FGF13: variants seen among roughly 807,000 people sequenced by gnomAD.
FGF13 encodes fibroblast growth factor homologous factor 2.
In FGF13, 2 loss-of-function variants were observed where a neutral mutation model predicts 19.5. The ratio of observed to expected loss-of-function variants is 0.10; its 90% CI spans 0.04 to 0.32. FGF13 has a LOEUF of 0.32. FGF13 is among the 10% of genes least tolerant of loss of function. The pLI is 1.00. For synonymous variants in FGF13, 72 were observed against 76.9 expected (o/e 0.94, Z 0.33); for missense variants, 113 against 192.7 (o/e 0.59, Z 2.45).
chrX:139,033,376 C>T (rs1031132358), intron 1 of FGF13, among the ~76,000 whole-genome samples: 3 of 111,598 alleles, frequency 2.7e-5, no homozygotes, highest in Admixed American at 1.9e-4. Context: ...GTAAGTCTTT[C>T]CTTGACATTT....
chrX:138,634,498 T>A (rs2089159979), intron 4 of FGF13, among the ~76,000 whole-genome samples: 1 of 113,320 alleles, frequency 8.8e-6, no homozygotes. Flanking sequence ...TGTCACTATA[T>A]GTACATGCAC....
At chrX:139,158,888 G>A (rs962983458) in intron 1 of FGF13, among the ~76,000 whole-genome samples, 2 of 104,990 alleles carry the variant, frequency 1.9e-5, no homozygotes, top group Admixed American at 1.9e-4. Context: ...ATGGAAGCAA[G>A]TTGGAAAAAT....
intron 1 of FGF13, among the ~76,000 whole-genome samples, chrX:138,984,623 A>G (rs28649112): frequency 0.077 from 1,725 of 22,516 alleles, 73 homozygotes; most frequent in Non-Finnish European, 0.098. Context: ...AGGATGAGGA[A>G]GAGGAGGAGG....
intron 1 of FGF13, among the ~76,000 whole-genome samples, chrX:139,139,226 C>A (rs187909663): frequency 3.1e-4 from 35 of 111,721 alleles, no homozygotes; most frequent in Non-Finnish European, 1.3e-4. Context: ...AGCCACCATG[C>A]CCGACCTGTT....
chrX:138,816,647 C>CCT (rs2124052005), intron 3 of FGF13, among the ~76,000 whole-genome samples: 1 of 112,657 alleles, frequency 8.9e-6, no homozygotes, highest in South Asian at 3.6e-4. Context: ...TTGTTTTTCT[C>CCT]TAAGGCAAGC....
intron 1 of FGF13, among the ~76,000 whole-genome samples, chrX:139,165,279 T>C (rs2084073338): frequency 8.9e-6 from 1 of 112,096 alleles, no homozygotes; most frequent in South Asian, 3.7e-4. Context: ...AGGATGATGA[T>C]TGGCTACTTT....
At chrX:138,764,832 T>C (rs1463264275) in intron 3 of FGF13, among the ~76,000 whole-genome samples, 2 of 112,126 alleles carry the variant, frequency 1.8e-5, no homozygotes, top group African/African-American at 6.5e-5. Flanking sequence ...TAGACTTTTG[T>C]AAGGATCCAA....
At chrX:138,644,461 G>C (rs755059355) in intron 3 of FGF13, among the ~76,000 whole-genome samples, 2 of 110,183 alleles carry the variant, frequency 1.8e-5, no homozygotes, top group South Asian at 7.9e-4. Context: ...TATTTTTTTA[G>C]TAGAGACGGG....
intron 3 of FGF13, among the ~76,000 whole-genome samples, chrX:138,659,391 T>A (rs2089467826): frequency 8.9e-6 from 1 of 111,780 alleles, no homozygotes; most frequent in Admixed American, 9.5e-5. Context: ...TGGCGATCAT[T>A]AAAAATTCAG....
intron 1 of FGF13, among the ~76,000 whole-genome samples, chrX:139,003,974 CTG>C (rs2092087646): frequency 8.9e-6 from 1 of 112,548 alleles, no homozygotes; most frequent in Non-Finnish European, 1.9e-5. Flanking sequence ...CGAGTGGATC[CTG>C]CACCGGGGCT....
intron 1 of FGF13, among the ~76,000 whole-genome samples, chrX:139,053,415 G>GTTT (rs199847219): frequency 3.2e-5 from 3 of 94,304 alleles, no homozygotes; most frequent in African/African-American, 1.1e-4. Context: ...AGCATCTACT[G>GTTT]TTTTTTTTTT....
At chrX:138,912,335 G>A (rs749892143) in intron 1 of FGF13, among the ~76,000 whole-genome samples, 1 of 110,940 alleles carries the variant, frequency 9.0e-6, no homozygotes, top group Admixed American at 9.6e-5. Context: ...AGAGTGGTTA[G>A]GTCCACATAG....
chrX:138,747,531 G>T (rs766524896), intron 3 of FGF13, among the ~76,000 whole-genome samples: 39 of 111,698 alleles, frequency 3.5e-4, no homozygotes, highest in African/African-American at 1.2e-3. Context: ...AGAAACTCCG[G>T]AATAAACATA....
At chrX:138,651,027 G>A (rs2089365715) in intron 3 of FGF13, among the ~76,000 whole-genome samples, 1 of 111,730 alleles carries the variant, frequency 9.0e-6, no homozygotes, top group African/African-American at 3.3e-5. Flanking sequence ...TACAGAAGCT[G>A]GATATTTGCT....
intron 1 of FGF13, among the ~76,000 whole-genome samples, chrX:138,939,038 T>G (rs767750390): frequency 4.5e-5 from 5 of 112,306 alleles, no homozygotes; most frequent in African/African-American, 1.6e-4. Context: ...GGTGGTTGGC[T>G]TTAAATGTAA....
intron 3 of FGF13, among the ~76,000 whole-genome samples, chrX:138,653,860 G>T (rs920981439): frequency 2.7e-5 from 3 of 112,001 alleles, no homozygotes; most frequent in Non-Finnish European, 3.8e-5. Flanking sequence ...AACTGTCTTG[G>T]CTTGCTGATT....
At chrX:138,814,867 T>C (rs180767487) in intron 3 of FGF13, among the ~76,000 whole-genome samples, 177 of 111,501 alleles carry the variant, frequency 1.6e-3, no homozygotes, top group African/African-American at 5.5e-3. Context: ...AAAACCAGTA[T>C]GCCAAAGAGA....
chrX:138,759,797 T>C (rs988038116), intron 3 of FGF13, among the ~76,000 whole-genome samples: 2 of 112,072 alleles, frequency 1.8e-5, no homozygotes, highest in Non-Finnish European at 3.8e-5. Flanking sequence ...AACTTGGAGC[T>C]GTGTAGGCTT....
chrX:139,196,836 G>A (rs749594420), intron 1 of FGF13, among the ~76,000 whole-genome samples: 48 of 112,144 alleles, frequency 4.3e-4, no homozygotes, highest in African/African-American at 1.6e-3. Context: ...ACATTGTTAT[G>A]AAGATTTCAT....
Sources: allele counts gnomAD v4.1 joint callset (sites outside exome capture counted in the v4.1 genomes callset), GRCh38; gene constraint gnomAD v4.1.1; transcripts MANE v1.5; gene names NCBI Gene and HGNC (gene_info 2026-07-23, HGNC 2026-07-21).